The following FBXL7 variants were observed in gnomAD, a reference collection of about 807,000 sequenced individuals.
FBXL7 encodes the protein F-box and leucine rich repeat protein 7.
FBXL7 carries 12 observed loss-of-function variants against 38.3 expected under a neutral mutation model. The observed-to-expected ratio is 0.31, with a 90% CI of 0.20 to 0.51. FBXL7 has a LOEUF of 0.51. Ranked by LOEUF, FBXL7 falls within the 20% of genes least tolerant of loss-of-function variation. The pLI is 0.98. For missense variants in FBXL7, 567 were observed against 676.4 expected, an observed-to-expected ratio of 0.84 and a Z score of 1.79; for synonymous variants, 297 against 300.9, an observed-to-expected ratio of 0.99 and a Z score of 0.13.
chr5:15,623,441 T>C (rs564358764), intron 2 of FBXL7, among the ~76,000 whole-genome samples: 2 of 152,348 alleles, frequency 1.3e-5, no homozygotes, highest in African/African-American at 2.4e-5. Context: ...AATTATTTGA[T>C]TTCTAAAGAA....
At chr5:15,656,280 A>T (rs191200688) in intron 2 of FBXL7, among the ~76,000 whole-genome samples, 1 of 152,220 alleles carries the variant, frequency 6.6e-6, no homozygotes, top group Non-Finnish European at 1.5e-5. Context: ...ATTTATGAAC[A>T]TGTCAGTTGC....
intron 2 of FBXL7, among the ~76,000 whole-genome samples, chr5:15,618,934 A>C (rs1740536017): frequency 1.3e-5 from 2 of 152,204 alleles, no homozygotes; most frequent in African/African-American, 4.8e-5. Flanking sequence ...TAGGCCTTAG[A>C]AAAGGAAAGA....
chr5:15,638,823 A>G (rs1293574020), intron 2 of FBXL7, among the ~76,000 whole-genome samples: 1 of 152,130 alleles, frequency 6.6e-6, no homozygotes, highest in African/African-American at 2.4e-5. Context: ...ACCAAGAGTA[A>G]ATGCTGCCAA....
intron 1 of FBXL7, among the ~76,000 whole-genome samples, chr5:15,506,286 C>T (rs914958819): frequency 2.0e-5 from 3 of 151,990 alleles, no homozygotes; most frequent in Non-Finnish European, 2.9e-5. Flanking sequence ...ATTCGATCAC[C>T]GAGATGGCTA....
intron 2 of FBXL7, among the ~76,000 whole-genome samples, chr5:15,830,851 G>C (rs1055668560): frequency 6.6e-5 from 10 of 152,108 alleles, no homozygotes; most frequent in Admixed American, 4.6e-4. Flanking sequence ...CAGCACTCAG[G>C]CTCAACTCCA....
chr5:15,672,907 T>C (rs1388310268), intron 2 of FBXL7, among the ~76,000 whole-genome samples: 1 of 152,234 alleles, frequency 6.6e-6, no homozygotes, highest in Non-Finnish European at 1.5e-5. Flanking sequence ...CTGTCTTTTT[T>C]CTTCTCTTTT....
chr5:15,750,518 C>G (rs551092701), intron 2 of FBXL7, among the ~76,000 whole-genome samples: 1 of 152,144 alleles, frequency 6.6e-6, no homozygotes, highest in Non-Finnish European at 1.5e-5. Flanking sequence ...TCCTGCAGCC[C>G]CACCTGCAGT....
At chr5:15,507,862 G>T (rs1736688034) in intron 1 of FBXL7, among the ~76,000 whole-genome samples, 1 of 152,034 alleles carries the variant, frequency 6.6e-6, no homozygotes, top group Non-Finnish European at 1.5e-5. Flanking sequence ...GGCCAACGTG[G>T]TGAAACCCGG....
intron 1 of FBXL7, among the ~76,000 whole-genome samples, chr5:15,518,940 T>G (rs1737020915): frequency 6.6e-6 from 1 of 152,050 alleles, no homozygotes; most frequent in Non-Finnish European, 1.5e-5. Flanking sequence ...CAATGACAAA[T>G]GAAACGTTTA....
In FBXL7 at chr5:15,566,130, G is replaced by A. The variant is rs183764881; in HGVS notation, c.38-49853G>A. Among the ~76,000 whole-genome samples the A allele has an allele frequency of 3.1e-3, 468 of 152,154 alleles. 1 individual carries two copies. Among genetic ancestry groups the A allele is most frequent in the African/African-American group, 0.011 (448 of 41,516 alleles). ...AAAATTCACATCTCTTCTATGTCCT[G>A]TATTGAAAATAGATAAAAGATGGAG... On this transcript the variant is annotated intron_variant, in intron 1 of 3. Transcript: ENST00000504595.
At chr5:15,524,169 A>T (rs774460178) in intron 1 of FBXL7, among the ~76,000 whole-genome samples, 2 of 152,216 alleles carry the variant, frequency 1.3e-5, no homozygotes, top group Non-Finnish European at 2.9e-5. Context: ...GCATGTGCGT[A>T]TAGTGGCTCA....
intron 2 of FBXL7, among the ~76,000 whole-genome samples, chr5:15,847,357 G>T (rs533343809): frequency 6.6e-6 from 1 of 152,222 alleles, no homozygotes; most frequent in East Asian, 1.9e-4. Context: ...AAAACCATCA[G>T]ATCTCATGAG....
chr5:15,808,085 C>T (rs1170737009), intron 2 of FBXL7, among the ~76,000 whole-genome samples: 1 of 152,116 alleles, frequency 6.6e-6, no homozygotes, highest in Non-Finnish European at 1.5e-5. Context: ...GCAGGGGGCA[C>T]ATCTGTGCGG....
intron 2 of FBXL7, among the ~76,000 whole-genome samples, chr5:15,634,512 G>GA (rs1368659878): frequency 6.7e-6 from 1 of 149,574 alleles, no homozygotes; most frequent in Admixed American, 6.6e-5. Flanking sequence ...AGTTGGGGGG[G>GA]GGGTTTACCC....
intron 2 of FBXL7, among the ~76,000 whole-genome samples, chr5:15,870,060 C>T (rs1229778588): frequency 1.7e-4 from 26 of 152,134 alleles, no homozygotes; most frequent in African/African-American, 4.8e-5. Context: ...TAGTGATCCG[C>T]GATTGCACCA....
intron 2 of FBXL7, among the ~76,000 whole-genome samples, chr5:15,782,614 T>A (rs1319456330): frequency 6.6e-6 from 1 of 152,146 alleles, no homozygotes; most frequent in Non-Finnish European, 1.5e-5. Context: ...GTTGTTTTCT[T>A]AAGTGAGGAG....
chr5:15,859,012 C>T (rs1739358574), intron 2 of FBXL7, among the ~76,000 whole-genome samples: 1 of 152,136 alleles, frequency 6.6e-6, no homozygotes, highest in African/African-American at 2.4e-5. Flanking sequence ...CTTGGATCCT[C>T]TTCCTCACAT....
chr5:15,522,937 T>A (rs1310012568), intron 1 of FBXL7, among the ~76,000 whole-genome samples: 1 of 152,244 alleles, frequency 6.6e-6, no homozygotes, highest in African/African-American at 2.4e-5. Flanking sequence ...TTTAGATGTT[T>A]CAGACACTAT....
intron 1 of FBXL7, among the ~76,000 whole-genome samples, chr5:15,591,162 GC>G (rs200337312): frequency 0.023 from 3,561 of 152,174 alleles, 141 homozygotes; most frequent in African/African-American, 0.08. Context: ...AGGCGCAGTG[GC>G]TCACACCTGT....
Sources: gnomAD v4.1 joint callset for allele counts (sites outside exome capture counted in the v4.1 genomes callset) on GRCh38, gnomAD v4.1.1 for gene constraint, MANE v1.5 for transcripts, NCBI Gene and HGNC (gene_info 2026-07-23, HGNC 2026-07-21) for gene names.